SGTA: variants seen among roughly 807,000 people sequenced by gnomAD.
The protein encoded by SGTA is small glutamine rich tetratricopeptide repeat co-chaperone alpha.
SGTA carries 22 observed loss-of-function variants against 44.3 expected under a neutral mutation model. The ratio of observed to expected loss-of-function variants is 0.50; its 90% CI spans 0.36 to 0.71. The LOEUF is 0.71. SGTA is among the 30% of genes least tolerant of loss of function. The probability of loss-of-function intolerance (pLI) is 0.00; values close to 1 mark genes in which losing one functional copy is unlikely to be tolerated. For synonymous variants in SGTA, 174 were observed against 177.6 expected (o/e 0.98, Z 0.16); for missense variants, 341 against 435.9 (o/e 0.78, Z 1.94).
Position 2,757,762 on chromosome 19 carries a change from C to G in SGTA, c.758G>C (p.Gly253Ala). ...GGGAGTTCCCAAGGGGTTGTTGCCA[C>G]CCGAAATCATGCCGGACATGCTGCA... is the stretch of plus-strand genomic sequence containing the variant. ...IQQLMSGMIS[G>A]GNNPLGTPGT... Residue 253 changes from glycine to alanine, a missense_variant, in exon 10 of 12, where the codon GGT becomes GCT. Gly to Ala is a moderately conservative substitution (Grantham distance 60). Transcript: ENST00000221566. 1 of 1,602,744 alleles carries G rather than the reference C, an allele frequency of 6.2e-7. No homozygotes were observed. The highest frequency in any genetic ancestry group is 8.5e-7 in the Non-Finnish European group (1 of 1,175,164).
chr19:2,765,616 C>T lies in SGTA; in HGVS notation c.293-331G>A, dbSNP rs1017720557. 3.3e-5 allele frequency among the ~76,000 whole-genome samples: 5 copies of T among 152,194 alleles called. No individual in the cohort carries two copies. Among genetic ancestry groups the T allele is most frequent in the Admixed American group, 6.5e-5 (1 of 15,286 alleles). ...GAACAGTTAATACAGCTCACCGGCC[C>T]GGGGACGGAAACTGTCCCTTTCGCT... On this transcript the variant is annotated intron_variant, in intron 4 of 11. Transcript: ENST00000221566. The surrounding 1 kb of genome is among the most constrained non-coding windows in gnomAD (Gnocchi z 5.5).
chr19:2,762,677 A>G (rs761243580), intron 6 of SGTA, 33 bp from the exon 7 acceptor site: 1 of 1,611,542 alleles, frequency 6.2e-7, no homozygotes, highest in Non-Finnish European at 8.5e-7. Context: ...GACTGTTCCC[A>G]TCTGCCCAGC....
chr19:2,767,267 G>C lies in SGTA; in HGVS notation c.208-47C>G. 3 of 1,442,596 alleles carry C rather than the reference G, an allele frequency of 2.1e-6. No homozygotes were observed. The highest frequency in any genetic ancestry group is 1.9e-6 in the Non-Finnish European group (2 of 1,045,930). The allele number at this position is 1,442,596 out of a possible 1,614,324, so 89.4% of individuals were successfully genotyped here. On this transcript the variant is annotated intron_variant, in intron 3 of 11. Transcript: ENST00000221566. This position sits in a 1 kb window ranked among gnomAD's most constrained non-coding sequence, Gnocchi z 7.3. ...GCCCGCTGTCCTCTCCTCCCAACCT[G>C]GCACCCTCCGGCCTTAGCTTCCCTC...
Position 2,759,248 on chromosome 19 carries a change from G to A in SGTA, c.737+9C>T. On this transcript the variant is annotated intron_variant, in intron 9 of 11. Transcript: ENST00000221566. ...CAACAAGACCCGAAGAAACCCGGTTGTCACTTACAGCTGCTGAATCTGGGG... is the reference window on the plus strand; with the variant it reads ...CAACAAGACCCGAAGAAACCCGGTTATCACTTACAGCTGCTGAATCTGGGG... The A allele has an allele frequency of 6.2e-7, 1 of 1,613,686 alleles. No homozygotes were observed. Among genetic ancestry groups the A allele is most frequent in the South Asian group, 1.1e-5 (1 of 91,042 alleles).
rs1467913701 is a variant in SGTA, at chr19:2,763,586, G to GGAA, written c.497+64_497+66dup. On this transcript the variant is annotated intron_variant, in intron 6 of 11. Transcript: ENST00000221566. This position sits in a 1 kb window ranked among gnomAD's most constrained non-coding sequence, Gnocchi z 5.8. ...GGTGGGAAAAAAGCCACACAAGAGA[G>GGAA]GAAGCAGGAGCAGGAGAGGAGGGGT... 1.8e-6 allele frequency: 2 copies of GGAA among 1,095,278 alleles called. No homozygotes were observed. The highest frequency in any genetic ancestry group is 2.7e-6 in the Non-Finnish European group (2 of 747,408). 67.8% of individuals were successfully genotyped at this position (1,095,278 alleles called of 1,614,324 possible).
At position 2,761,417 on chromosome 19, in the gene SGTA, G is replaced by T; in HGVS notation, c.699+43C>A. On this transcript the variant is annotated intron_variant, in intron 8 of 11. Transcript: ENST00000221566. This position sits in a 1 kb window ranked among gnomAD's most constrained non-coding sequence, Gnocchi z 5.7. ...GACACAGCAGATGCGGGCCTGGGGG[G>T]TGGCGCAGACACCATGGACAGGGAG... 6.6e-7 allele frequency: 1 copy of T among 1,504,582 alleles called. No homozygotes were observed. Among genetic ancestry groups the T allele is most frequent in the Non-Finnish European group, 9.0e-7 (1 of 1,105,056 alleles). The allele number at this position is 1,504,582 out of a possible 1,614,324, so 93.2% of individuals were successfully genotyped here.
chr19:2,762,694 A>G, intron 6 of SGTA, 50 bp from the exon 7 acceptor site: 4 of 1,604,888 alleles, frequency 2.5e-6, no homozygotes, highest in Non-Finnish European at 3.4e-6. Flanking sequence ...CAGCTCCAGG[A>G]GGCCCCGCCA....
At chr19:2,781,129 GAGC>G (rs1384902385) in intron 1 of SGTA, among the ~76,000 whole-genome samples, 3 of 152,146 alleles carry the variant, frequency 2.0e-5, no homozygotes, top group Non-Finnish European at 4.4e-5. Context: ...CTTCCTACCA[GAGC>G]CACTGTTGGG....
intron 1 of SGTA, among the ~76,000 whole-genome samples, chr19:2,771,772 C>A (rs940587484): frequency 6.6e-6 from 1 of 152,262 alleles, no homozygotes; most frequent in Non-Finnish European, 1.5e-5. Context: ...CAGAAGCAGG[C>A]ATGGAGAGGG....
At chr19:2,762,712 C>T (rs996199427) in intron 6 of SGTA, 68 bp from the exon 7 acceptor site, 10 of 1,585,504 alleles carry the variant, frequency 6.3e-6, no homozygotes, top group African/African-American at 2.7e-5. Flanking sequence ...CCAAAGCCCT[C>T]GTCCCCGGCG....
chr19:2,755,457 C>A lies in SGTA; in HGVS notation c.*483G>T. On this transcript the variant is annotated 3_prime_UTR_variant, in exon 12 of 12. Coordinates refer to ENST00000221566, the MANE Select transcript of SGTA (RefSeq NM_003021.4). This position sits in a 1 kb window ranked among gnomAD's most constrained non-coding sequence, Gnocchi z 5.2. ...GCAGCTGGCAGTGAGCTCTTCCGAG[C>A]AGGCACAGGGCCGGGGTGGCCGGGA... 1.0e-6 allele frequency: 1 copy of A among 987,678 alleles called. No individual in the cohort carries two copies. Among genetic ancestry groups the A allele is most frequent in the African/African-American group, 1.7e-5 (1 of 57,460 alleles). 61.2% of individuals were successfully genotyped at this position (987,678 alleles called of 1,614,324 possible).
At position 2,761,449 on chromosome 19, in the gene SGTA, C is replaced by T. The variant is rs775836726; in HGVS notation, c.699+11G>A. 49 of 1,550,518 alleles carry T rather than the reference C, an allele frequency of 3.2e-5. No individual in the cohort carries two copies. Among genetic ancestry groups the T allele is most frequent in the Admixed American group, 2.2e-4 (11 of 50,972 alleles). ...AGACACCATGGACAGGGAGGAGGGG[C>T]GGGCCGTTACCATGCTCATGAAGCC... On this transcript the variant is annotated intron_variant, in intron 8 of 11. Transcript: ENST00000221566. This position sits in a 1 kb window ranked among gnomAD's most constrained non-coding sequence, Gnocchi z 5.7.
rs1266886095 is a variant in SGTA at position 2,763,619 on chromosome 19, G to C, written c.497+34C>G. ...GAGCAGGAGAGGAGGGGTCCCGAGA[G>C]ACTGGAAAGGCGCGGCCGTGGACAG... is the stretch of plus-strand genomic sequence containing the variant. On this transcript the variant is annotated intron_variant, in intron 6 of 11. Transcript: ENST00000221566. The surrounding 1 kb of genome is among the most constrained non-coding windows in gnomAD (Gnocchi z 5.8). 13 of 1,487,020 alleles carry C rather than the reference G, an allele frequency of 8.7e-6. No homozygotes were observed. The highest frequency in any genetic ancestry group is 9.3e-6 in the Non-Finnish European group (10 of 1,073,690). The allele number at this position is 1,487,020 out of a possible 1,614,324, so 92.1% of individuals were successfully genotyped here.
Position 2,777,329 on chromosome 19 carries a change from A to G in SGTA, c.-24+5904T>C, listed in dbSNP as rs1024985808. 3.3e-5 allele frequency among the ~76,000 whole-genome samples: 5 copies of G among 151,154 alleles called. No individual in the cohort carries two copies. The South Asian group carries it at 6.3e-4, about 19-fold the overall frequency. ...CACTTCGGGAGGCCAAAGCGGGGGG[A>G]TCACTTGAGCATAGGAATTCAAGAG... On this transcript the variant is annotated intron_variant, in intron 1 of 11. Transcript: ENST00000221566.
At chr19:2,766,167 G>A (rs1046829321) in intron 4 of SGTA, among the ~76,000 whole-genome samples, 1 of 152,066 alleles carries the variant, frequency 6.6e-6, no homozygotes, top group Non-Finnish European at 1.5e-5. Flanking sequence ...AGTGAGCCGA[G>A]ATCACGCCAC....
In SGTA at chr19:2,772,110, C is replaced by A. The variant is rs373450037; in HGVS notation, c.-23-3019G>T. Among the ~76,000 whole-genome samples the A allele has an allele frequency of 3.9e-5, 6 of 152,346 alleles. No homozygotes were observed. The East Asian group carries it at 9.7e-4, about 25-fold the overall frequency. Reference sequence around the variant, plus strand: ...CTTATTCTTAGTTGCACTCTGTGTGCCAAGACGCATGAGGCAAGGGGCAGG... The same window carrying A: ...CTTATTCTTAGTTGCACTCTGTGTGACAAGACGCATGAGGCAAGGGGCAGG... On this transcript the variant is annotated intron_variant, in intron 1 of 11. Coordinates refer to ENST00000221566, the MANE Select transcript of SGTA (RefSeq NM_003021.4).
At chr19:2,766,207 C>T (rs746512064) in intron 4 of SGTA, among the ~76,000 whole-genome samples, 5 of 151,912 alleles carry the variant, frequency 3.3e-5, no homozygotes, top group Non-Finnish European at 5.9e-5. Context: ...CAGAGCGAGA[C>T]TCCATCTCAA....
chr19:2,772,238 G>A (rs971875470), intron 1 of SGTA, among the ~76,000 whole-genome samples: 10 of 152,244 alleles, frequency 6.6e-5, no homozygotes, highest in Non-Finnish European at 8.8e-5. Flanking sequence ...CCAAGAGGCC[G>A]CCAGCCTCGG....
rs1256749606 is a variant in SGTA, at chr19:2,759,247, T to G, written c.737+10A>C. 2 of 1,613,552 alleles carry G rather than the reference T, an allele frequency of 1.2e-6. No individual in the cohort carries two copies. The highest frequency in any genetic ancestry group is 1.7e-6 in the Non-Finnish European group (2 of 1,179,612). On this transcript the variant is annotated intron_variant, in intron 9 of 11. Transcript: ENST00000221566. ...ACAACAAGACCCGAAGAAACCCGGT[T>G]GTCACTTACAGCTGCTGAATCTGGG...
Sources: gnomAD v4.1 joint callset for allele counts (sites outside exome capture counted in the v4.1 genomes callset) on GRCh38, gnomAD v4.1.1 for gene constraint, Gnocchi (gnomAD v3.1) non-coding constraint, MANE v1.5 for transcripts, NCBI Gene and HGNC (gene_info 2026-07-23, HGNC 2026-07-21) for gene names.